The following ODAD2 variants were observed in gnomAD, a reference collection of about 807,000 sequenced individuals.
The protein encoded by ODAD2 is outer dynein arm-docking complex subunit 2.
ODAD2 carries 89 observed loss-of-function variants against 106.8 expected under a neutral mutation model. The observed-to-expected ratio is 0.83, with a 90% confidence interval of 0.70 to 0.99. ODAD2 has a LOEUF of 0.99. Ranked by LOEUF, ODAD2 falls within the 50% of genes least tolerant of loss-of-function variation. ODAD2 has a pLI of 0.00. For synonymous variants in ODAD2, 404 were observed against 436.2 expected (o/e 0.93, Z 0.92); for missense variants, 1,168 against 1,238.5 (o/e 0.94, Z 0.85).
intron 8 of ODAD2, among the ~76,000 whole-genome samples, chr10:27,970,365 TC>T (rs903552847): frequency 3.3e-5 from 5 of 152,188 alleles, no homozygotes; most frequent in African/African-American, 9.7e-5. Flanking sequence ...TATGACAGTT[TC>T]GCTGATTAGC....
At chr10:27,872,737 G>T (rs947628128) in intron 17 of ODAD2, among the ~76,000 whole-genome samples, 4 of 152,196 alleles carry the variant, frequency 2.6e-5, no homozygotes, top group African/African-American at 9.7e-5. Flanking sequence ...GCTTTTTGAT[G>T]TGCTGCTGGA....
rs150094455 is a variant in ODAD2 at position 27,989,261 on chromosome 10, C to T, written c.225-1718G>A. Among the ~76,000 whole-genome samples the T allele has an allele frequency of 2.2e-4, 33 of 152,232 alleles. No individual in the cohort carries two copies. In the East Asian group the frequency reaches 5.8e-3, roughly 27 times the overall value. ...GGCTCACAGAGGGACTTTATGAGTC[C>T]GATTCTGCTGGGTGCAGATAGGGAC... On this transcript the variant is annotated intron_variant, in intron 2 of 19. Coordinates refer to ENST00000305242, the MANE Select transcript of ODAD2 (RefSeq NM_018076.5).
chr10:27,849,638 A>G lies in ODAD2; in HGVS notation c.3021+10987T>C, dbSNP rs567166696. On this transcript the variant is annotated intron_variant, in intron 19 of 19. Coordinates refer to ENST00000305242, the MANE Select transcript of ODAD2 (RefSeq NM_018076.5). ...CCATGGAAAACTTAAAAAGAGAGGG[A>G]AAAAAGTGGCTTTAAAGAGTCATCC... 1.4e-3 allele frequency among the ~76,000 whole-genome samples: 213 copies of G among 152,272 alleles called. 1 individual carries two copies. The highest frequency in any genetic ancestry group is 5.0e-3 in the African/African-American group (206 of 41,568).
intron 7 of ODAD2, among the ~76,000 whole-genome samples, chr10:27,977,110 G>A (rs535888081): frequency 2.4e-4 from 37 of 152,144 alleles, no homozygotes; most frequent in African/African-American, 7.7e-4. Flanking sequence ...GATATAGATT[G>A]GAAAGGTAAA....
chr10:27,950,087 G>A (rs1427649794), intron 10 of ODAD2, among the ~76,000 whole-genome samples: 1 of 152,084 alleles, frequency 6.6e-6, no homozygotes, highest in Non-Finnish European at 1.5e-5. Context: ...AGAAGCAGCC[G>A]GTGAGACTTG....
At chr10:27,819,266 A>C (rs1193182222) in intron 19 of ODAD2, among the ~76,000 whole-genome samples, 8 of 152,140 alleles carry the variant, frequency 5.3e-5, no homozygotes, top group Non-Finnish European at 1.0e-4. Flanking sequence ...AGCAACAGAA[A>C]TAGAAGGAAT....
chr10:27,928,103 A>C (rs1845378412), intron 16 of ODAD2, among the ~76,000 whole-genome samples: 1 of 152,068 alleles, frequency 6.6e-6, no homozygotes, highest in South Asian at 2.1e-4. Flanking sequence ...TCAGGTGCCT[A>C]CCCTGATCAT....
At chr10:27,936,586 C>A in intron 15 of ODAD2, 140 bp downstream of exon 15, 1 of 978,506 alleles carries the variant, frequency 1.0e-6, no homozygotes, top group Non-Finnish European at 1.5e-6. Context: ...TCTAAGAATC[C>A]CTTCATTGGG....
chr10:27,875,899 T>C (rs1258218561), intron 17 of ODAD2, among the ~76,000 whole-genome samples: 1 of 152,108 alleles, frequency 6.6e-6, no homozygotes, highest in Non-Finnish European at 1.5e-5. Context: ...GGAGATTATA[T>C]CGCACGCCTG....
chr10:27,960,313 CATTATTATTATTATTATTATTATT>C (rs72020123), intron 10 of ODAD2, among the ~76,000 whole-genome samples: 11 of 138,690 alleles, frequency 7.9e-5, no homozygotes, highest in Admixed American at 2.9e-4. Context: ...TTATTTATTT[CATTATTATTATTATTATTATTATT>C]ATTATTATTA....
intron 7 of ODAD2, 137 bp downstream of exon 7, chr10:27,981,329 T>C (rs1849530713): frequency 5.9e-6 from 4 of 674,856 alleles, no homozygotes; most frequent in Non-Finnish European, 9.0e-6. Flanking sequence ...TTTTATGTTA[T>C]GTTATGTTGT....
rs556609832 is a variant in ODAD2, at chr10:27,877,067, G to GAA, written c.2611-14447_2611-14446dup. ...CATTCAAAAATATTTGTTGAATTGT[G>GAA]AAAAAAAAAAGGCAGTTTTAACTTT... On this transcript the variant is annotated intron_variant, in intron 17 of 19. Transcript: ENST00000305242. Among the ~76,000 whole-genome samples, 257 of 147,676 alleles carry GAA rather than the reference G, an allele frequency of 1.7e-3. 1 individual carries two copies. Among genetic ancestry groups the GAA allele is most frequent in the African/African-American group, 6.1e-3 (243 of 40,136 alleles).
chr10:27,818,803 T>G (rs1310049302), intron 19 of ODAD2, among the ~76,000 whole-genome samples: 2 of 152,128 alleles, frequency 1.3e-5, no homozygotes, highest in Non-Finnish European at 1.5e-5. Flanking sequence ...AGAAGTGAAA[T>G]AAAGTCCTAG....
At chr10:27,876,054 G>A (rs981104066) in intron 17 of ODAD2, among the ~76,000 whole-genome samples, 4 of 152,182 alleles carry the variant, frequency 2.6e-5, no homozygotes, top group African/African-American at 4.8e-5. Flanking sequence ...CAGGAAGCTC[G>A]AACTGCGTGG....
chr10:27,821,690 G>T (rs1836624470), intron 19 of ODAD2, among the ~76,000 whole-genome samples: 1 of 152,118 alleles, frequency 6.6e-6, no homozygotes, highest in Non-Finnish European at 1.5e-5. Flanking sequence ...TTACATAAAA[G>T]GAATAGTTTT....
Position 27,981,474 on chromosome 10 carries a change from A to G in ODAD2, c.928T>C (p.Ser310Pro), listed in dbSNP as rs1278085688. The G allele has an allele frequency of 9.3e-6, 14 of 1,508,710 alleles. No homozygotes were observed. The highest frequency in any genetic ancestry group is 1.2e-5 in the Non-Finnish European group (14 of 1,139,210). 93.5% of individuals were successfully genotyped at this position (1,508,710 alleles called of 1,614,324 possible). ...EKSPKFSENM[S>P]KLGISFSEDQ... is the part of the protein sequence containing the mutation. ...GAAACCATAAAACTTACCAATTTAG[A>G]CATATTTTCTGAAAATTTTGGTGAT... The change falls in exon 7 of 20, where the codon TCT becomes CCT. Residue 310 changes from serine (S) to proline (P), a missense_variant. Ser to Pro is a moderately conservative substitution (Grantham distance 74). This residue lies in a region of ODAD2 where 430 missense variants were observed against 452.2 expected (regional missense o/e 0.95). Transcript: ENST00000305242.
At chr10:27,882,506 C>T (rs1288023898) in intron 17 of ODAD2, among the ~76,000 whole-genome samples, 1 of 152,044 alleles carries the variant, frequency 6.6e-6, no homozygotes, top group Admixed American at 6.6e-5. Context: ...TCCTCCATAA[C>T]AAAAAGAACA....
At chr10:27,915,735 G>A (rs1425411917) in intron 16 of ODAD2, among the ~76,000 whole-genome samples, 2 of 152,162 alleles carry the variant, frequency 1.3e-5, no homozygotes, top group Admixed American at 1.3e-4. Flanking sequence ...TCCTTCAAAA[G>A]GGATAGTAAA....
intron 10 of ODAD2, among the ~76,000 whole-genome samples, chr10:27,956,707 T>A (rs1405912075): frequency 3.9e-5 from 6 of 152,218 alleles, no homozygotes; most frequent in Non-Finnish European, 8.8e-5. Flanking sequence ...CCTATAGGGT[T>A]AAAACCATAC....
Sources: allele counts gnomAD v4.1 joint callset (sites outside exome capture counted in the v4.1 genomes callset), GRCh38; gene constraint gnomAD v4.1.1; regional missense constraint gnomAD v4.1.1; transcripts MANE v1.5; gene names NCBI Gene and HGNC (gene_info 2026-07-23, HGNC 2026-07-21).